CLPX: variants seen among roughly 807,000 people sequenced by gnomAD.
The protein encoded by CLPX is caseinolytic mitochondrial matrix peptidase chaperone subunit X, also known as ATP-dependent clpX-like chaperone, mitochondrial.
A neutral mutation model predicts 76.4 loss-of-function variants in CLPX; 34 were observed. That is an observed-to-expected ratio of 0.45 (90% confidence interval 0.34 to 0.59). The LOEUF is 0.59. Ranked by LOEUF, CLPX falls within the 20% of genes least tolerant of loss-of-function variation. The probability of loss-of-function intolerance (pLI) is 0.01; values close to 1 mark genes in which losing one functional copy is unlikely to be tolerated. For synonymous variants in CLPX, 248 were observed against 270.9 expected (o/e 0.92, Z 0.83); for missense variants, 613 against 757.0 (o/e 0.81, Z 2.23).
chr15:65,150,538 G>T lies in CLPX; in HGVS notation c.*285C>A, dbSNP rs1414493091. On this transcript the variant is annotated 3_prime_UTR_variant, in exon 14 of 14. Transcript: ENST00000300107. ...ATCGCAATACCTGCATTGCTTAAAA[G>T]AATTCCTAAGAATTTTGTTAAAGCA... 4.2e-6 allele frequency: 1 copy of T among 237,682 alleles called. No homozygotes were observed. Among genetic ancestry groups the T allele is most frequent in the South Asian group, 1.7e-4 (1 of 5,832 alleles). 14.7% of individuals were successfully genotyped at this position (237,682 alleles called of 1,614,324 possible).
At chr15:65,185,046 A>C in intron 1 of CLPX, 29 bp downstream of exon 1, 4 of 1,051,674 alleles carry the variant, frequency 3.8e-6, no homozygotes, top group East Asian at 3.4e-5. Flanking sequence ...CGACAGGCTG[A>C]GGGCTCAGGA....
chr15:65,185,026 ACCC>A, intron 1 of CLPX, 46 bp downstream of exon 1: 1 of 1,196,848 alleles, frequency 8.4e-7, no homozygotes, highest in Non-Finnish European at 1.1e-6. Context: ...TGGCCAGTCC[ACCC>A]CCCCCCCGAC....
Position 65,150,643 on chromosome 15 carries a change from TC to T in CLPX, c.*179del. On this transcript the variant is annotated 3_prime_UTR_variant, in exon 14 of 14. Coordinates refer to ENST00000300107, the MANE Select transcript of CLPX (RefSeq NM_006660.5). ...TGTCATTAAAGTCCATATAACATCTTCCGTAAAATCAATGTGATGTTACAAT... is the reference window on the plus strand; with the variant it reads ...TGTCATTAAAGTCCATATAACATCTTCGTAAAATCAATGTGATGTTACAAT... 2.5e-6 allele frequency: 1 copy of T among 406,802 alleles called. No individual in the cohort carries two copies. Among genetic ancestry groups the T allele is most frequent in the Non-Finnish European group, 4.4e-6 (1 of 228,714 alleles). The allele number at this position is 406,802 out of a possible 1,614,324, so 25.2% of individuals were successfully genotyped here.
chr15:65,184,681 G>A (rs1162269648), intron 1 of CLPX, among the ~76,000 whole-genome samples: 1 of 152,212 alleles, frequency 6.6e-6, no homozygotes, highest in East Asian at 1.9e-4. Context: ...GGGGGATCCC[G>A]GCCAGGCTGC....
In CLPX at chr15:65,149,947, G is replaced by C. The variant is rs1455523466; in HGVS notation, c.*876C>G. On this transcript the variant is annotated 3_prime_UTR_variant, in exon 14 of 14. Coordinates refer to ENST00000300107, the MANE Select transcript of CLPX (RefSeq NM_006660.5). The stretch of plus-strand genomic sequence containing the variant: ...TTTTACAGAACCAATTGGGAAGTTA[G>C]TGTCATGCATTAGCAGATAAGACTA... 1 of 153,868 alleles carries C rather than the reference G, an allele frequency of 6.5e-6. No homozygotes were observed. The highest frequency in any genetic ancestry group is 1.4e-5 in the Non-Finnish European group (1 of 69,334). The allele number at this position is 153,868 out of a possible 1,614,324, so 9.5% of individuals were successfully genotyped here.
chr15:65,174,012 G>A (rs2088051181), intron 3 of CLPX, among the ~76,000 whole-genome samples: 1 of 152,176 alleles, frequency 6.6e-6, no homozygotes, highest in Non-Finnish European at 1.5e-5. Flanking sequence ...GTCTCGCTCT[G>A]TCGCCCAGGC....
In CLPX at chr15:65,164,062, CTGCT is replaced by C; in HGVS notation, c.636_639del (p.Ala213ArgfsTer8). The C allele has an allele frequency of 6.2e-7, 1 of 1,613,644 alleles. No homozygotes were observed. Among genetic ancestry groups the C allele is most frequent in the African/African-American group, 1.3e-5 (1 of 75,034 alleles). On this transcript the variant is annotated frameshift_variant, in exon 5 of 14. Coordinates refer to ENST00000300107, the MANE Select transcript of CLPX (RefSeq NM_006660.5). LOFTEE classifies it high-confidence loss of function. ...GTTAATGATGTCTGCTTCTCAACCT[CTGCT>C]TGCTGTCTCAGATTAGCTGGGATAT...
chr15:65,165,375 A>ATTTT (rs34678725), intron 4 of CLPX, among the ~76,000 whole-genome samples: 3 of 69,160 alleles, frequency 4.3e-5, no homozygotes, highest in African/African-American at 1.5e-4. Context: ...AACTGCCTGG[A>ATTTT]TTTTTTTTTT....
rs1199303548 is a variant in CLPX, at chr15:65,149,038, A to G, written c.*1785T>C. ...TTAAAATGTTCTAAGAAGCCAAAGA[A>G]TTAGACCAAAATGTTCAGCACCAAA... On this transcript the variant is annotated 3_prime_UTR_variant, in exon 14 of 14. Transcript: ENST00000300107. 1.3e-5 allele frequency: 2 copies of G among 152,254 alleles called. No individual in the cohort carries two copies. The highest frequency in any genetic ancestry group is 4.8e-5 in the African/African-American group (2 of 41,462). The allele number at this position is 152,254 out of a possible 1,614,324, so 9.4% of individuals were successfully genotyped here.
Position 65,185,275 on chromosome 15 carries a change from G to A in CLPX, c.-122C>T, listed in dbSNP as rs2088244520. ...CCTTTCGCGGGCCCTAGACCCCGTG[G>A]AGAGTTCACCTGCCCGGCAGCCAGG... is the stretch of plus-strand genomic sequence containing the variant. On this transcript the variant is annotated 5_prime_UTR_variant, in exon 1 of 14. Coordinates refer to ENST00000300107, the MANE Select transcript of CLPX (RefSeq NM_006660.5). 2 of 758,602 alleles carry A rather than the reference G, an allele frequency of 2.6e-6. No individual in the cohort carries two copies. Among genetic ancestry groups the A allele is most frequent in the African/African-American group, 3.5e-5 (2 of 56,710 alleles). 47.0% of individuals were successfully genotyped at this position (758,602 alleles called of 1,614,324 possible).
chr15:65,149,614 C>A lies in CLPX; in HGVS notation c.*1209G>T, dbSNP rs1054105232. 8.9e-6 allele frequency: 4 copies of A among 447,682 alleles called. No individual in the cohort carries two copies. Among genetic ancestry groups the A allele is most frequent in the Admixed American group, 2.5e-5 (1 of 40,720 alleles). The allele number at this position is 447,682 out of a possible 1,614,324, so 27.7% of individuals were successfully genotyped here. Reference sequence around the variant, plus strand: ...TGGTGGCTTACGCCTGCAATCCCAGCACTTTGGGAGGCTGAGGCCAGCAGA... The same window carrying A: ...TGGTGGCTTACGCCTGCAATCCCAGAACTTTGGGAGGCTGAGGCCAGCAGA... On this transcript the variant is annotated 3_prime_UTR_variant, in exon 14 of 14. Transcript: ENST00000300107.
intron 4 of CLPX, among the ~76,000 whole-genome samples, chr15:65,166,032 A>T (rs1315417828): frequency 6.6e-6 from 1 of 152,190 alleles, no homozygotes; most frequent in Non-Finnish European, 1.5e-5. Context: ...CAAAAAGCAC[A>T]CACCAAATAC....
At chr15:65,156,328 C>A (rs1305805788) in intron 9 of CLPX, among the ~76,000 whole-genome samples, 2 of 152,120 alleles carry the variant, frequency 1.3e-5, no homozygotes, top group Admixed American at 6.5e-5. Flanking sequence ...TGTGATTATA[C>A]CTATGTCTCT....
Position 65,162,656 on chromosome 15 carries a change from G to A in CLPX, c.674-11C>T, listed in dbSNP as rs951686646. The A allele has an allele frequency of 6.5e-7, 1 of 1,531,850 alleles. No individual in the cohort carries two copies. The highest frequency in any genetic ancestry group is 2.3e-5 in the East Asian group (1 of 44,094). 94.9% of individuals were successfully genotyped at this position (1,531,850 alleles called of 1,614,324 possible). On this transcript the variant is annotated splice_polypyrimidine_tract_variant and intron_variant, in intron 5 of 13. Coordinates refer to ENST00000300107, the MANE Select transcript of CLPX (RefSeq NM_006660.5). ...TTCTTATTTCTAACTCTAAGAAAGAGGATGAAAATATTACATATTTGTTTA... is the reference window on the plus strand; with the variant it reads ...TTCTTATTTCTAACTCTAAGAAAGAAGATGAAAATATTACATATTTGTTTA...
intron 8 of CLPX, among the ~76,000 whole-genome samples, chr15:65,157,510 G>GA (rs1404014835): frequency 6.6e-6 from 1 of 152,130 alleles, no homozygotes; most frequent in Admixed American, 6.6e-5. Context: ...TAGTATTAAG[G>GA]ATCTAATAGG....
Position 65,158,014 on chromosome 15 carries a change from T to C in CLPX, c.893-104A>G, listed in dbSNP as rs573136764. The stretch of plus-strand genomic sequence containing the variant: ...TTTAGTAGTATATAATAAAAAGTTG[T>C]CAATTGCTACATCCTTCCTCTGCTA... On this transcript the variant is annotated intron_variant, in intron 7 of 13. Transcript: ENST00000300107. 1.3e-5 allele frequency: 12 copies of C among 934,360 alleles called. No individual in the cohort carries two copies. In the African/African-American group the frequency reaches 1.5e-4, roughly 12 times the overall value. 57.9% of individuals were successfully genotyped at this position (934,360 alleles called of 1,614,324 possible). A position where few individuals can be genotyped will look rare whatever the true frequency, so the allele number is the denominator to read the frequency against.
At position 65,155,795 on chromosome 15, in the gene CLPX, A is replaced by G; in HGVS notation, c.1208T>C (p.Leu403Pro). 1 of 1,614,020 alleles carries G rather than the reference A, an allele frequency of 6.2e-7. No homozygotes were observed. The highest frequency in any genetic ancestry group is 8.5e-7 in the Non-Finnish European group (1 of 1,179,938). Residue 403 changes from leucine (L) to proline (P), a missense_variant, in exon 10 of 14, where the codon CTC (leucine) becomes CCC (proline). Transcript: ENST00000300107. ...ATCAACTTGAACTGTTTCTCCACGG[A>G]GCTTTCGGGAATTCTTTTCTGGAAC... is the stretch of plus-strand genomic sequence containing the variant. ...VNVPEKNSRK[L>P]RGETVQVDTT...
Position 65,156,908 on chromosome 15 carries a change from T to C in CLPX, c.1082A>G (p.Asp361Gly). The C allele has an allele frequency of 1.2e-6, 2 of 1,612,342 alleles. No homozygotes were observed. Among genetic ancestry groups the C allele is most frequent in the Non-Finnish European group, 1.7e-6 (2 of 1,178,906 alleles). Residue 361 changes from aspartate (D) to glycine (G), a missense_variant, in exon 9 of 14, where the codon GAT (aspartate) becomes GGT (glycine). By Grantham distance (94) the Asp-to-Gly change is moderately conservative. This residue lies in a region of CLPX where 450 missense variants were observed against 638.6 expected (regional missense o/e 0.70). Coordinates refer to ENST00000300107, the MANE Select transcript of CLPX (RefSeq NM_006660.5). Reference protein sequence around the residue: ...QQGIVFLDEVDKIGSVPGIHQ... With the variant: ...QQGIVFLDEVGKIGSVPGIHQ... The stretch of plus-strand genomic sequence containing the variant: ...AATGCCTGGCACACTGCCAATCTTA[T>C]CTACTTCATCCAGAAAGACAATTCC...
In CLPX at chr15:65,166,757, CTT is replaced by C. The variant is rs2087919917; in HGVS notation, c.385_386del (p.Lys129ValfsTer10). On this transcript the variant is annotated frameshift_variant, in exon 4 of 14. Coordinates refer to ENST00000300107, the MANE Select transcript of CLPX (RefSeq NM_006660.5). LOFTEE classifies it high-confidence loss of function. ...ATAGCACAACAAAAAAATGATGACA[CTT>C]TTCACACTTGACAAAACGGGTGGAT... ...VSSTRFVKCE[K>X]CHHFFVVLSE... 3 of 1,613,464 alleles carry C rather than the reference CTT, an allele frequency of 1.9e-6. No homozygotes were observed. Among genetic ancestry groups the C allele is most frequent in the African/African-American group, 2.7e-5 (2 of 74,856 alleles).
Sources: gnomAD v4.1 joint callset for allele counts (sites outside exome capture counted in the v4.1 genomes callset) on GRCh38, gnomAD v4.1.1 for gene constraint, gnomAD v4.1.1 regional missense constraint, MANE v1.5 for transcripts, NCBI Gene and HGNC (gene_info 2026-07-23, HGNC 2026-07-21) for gene names.